GPHN: variants seen among roughly 807,000 people sequenced by gnomAD.
GPHN encodes the protein gephyrin.
GPHN carries 17 observed loss-of-function variants against 95.5 expected under a neutral mutation model. The ratio of observed to expected loss-of-function variants is 0.18; its 90% CI spans 0.12 to 0.27. The LOEUF is 0.27. Ranked by LOEUF, GPHN falls within the 10% of genes least tolerant of loss-of-function variation. The probability of loss-of-function intolerance (pLI) is 1.00; values close to 1 mark genes in which losing one functional copy is unlikely to be tolerated. For missense variants in GPHN, 660 were observed against 978.1 expected (o/e 0.67, Z 4.34); for synonymous variants, 320 against 322.5 (o/e 0.99, Z 0.08).
At chr14:66,736,622 C>A (rs1335997588) in intron 2 of GPHN, among the ~76,000 whole-genome samples, 2 of 151,748 alleles carry the variant, frequency 1.3e-5, no homozygotes, top group Non-Finnish European at 2.9e-5. Context: ...CTGATGATAA[C>A]CTGAACTCCT....
chr14:66,674,363 G>T (rs1595497506), intron 1 of GPHN, among the ~76,000 whole-genome samples: 1 of 152,050 alleles, frequency 6.6e-6, no homozygotes, highest in East Asian at 1.9e-4. Context: ...CTCCCAAAGT[G>T]CTGGGTTACA....
intron 1 of GPHN, among the ~76,000 whole-genome samples, chr14:66,616,488 A>G (rs183351371): frequency 6.6e-6 from 1 of 151,396 alleles, no homozygotes; most frequent in Non-Finnish European, 1.5e-5. Flanking sequence ...GGCCACTGCA[A>G]TTTGCTGGGG....
chr14:67,350,426 T>C, the GPHN span, among the ~76,000 whole-genome samples: 1 of 152,238 alleles, frequency 6.6e-6, no homozygotes, highest in Non-Finnish European at 1.5e-5. Flanking sequence ...CCTGCAACTA[T>C]GTAAGAATTA....
At chr14:67,509,287 C>T in the GPHN span, among the ~76,000 whole-genome samples, 2 of 151,734 alleles carry the variant, frequency 1.3e-5, no homozygotes, top group East Asian at 3.9e-4. Flanking sequence ...CTTCTGTCTC[C>T]TTTTAACTAG....
intron 4 of GPHN, among the ~76,000 whole-genome samples, chr14:66,875,814 A>C (rs1275992175): frequency 6.6e-6 from 1 of 152,130 alleles, no homozygotes; most frequent in Non-Finnish European, 1.5e-5. Context: ...GGAGACTTTA[A>C]CACCCCACTG....
intron 1 of GPHN, among the ~76,000 whole-genome samples, chr14:66,615,282 G>A (rs1316390518): frequency 3.3e-5 from 5 of 152,122 alleles, no homozygotes; most frequent in African/African-American, 1.2e-4. Context: ...TTGAGAAATG[G>A]CCATACTGCC....
chr14:67,167,504 C>G (rs568344883), intron 20 of GPHN, among the ~76,000 whole-genome samples: 6 of 152,256 alleles, frequency 3.9e-5, no homozygotes, highest in African/African-American at 1.4e-4. Context: ...CTATTAGTAT[C>G]ACTTGTCACT....
chr14:66,593,457 A>G (rs1276536703), intron 1 of GPHN, among the ~76,000 whole-genome samples: 2 of 152,130 alleles, frequency 1.3e-5, no homozygotes, highest in Non-Finnish European at 2.9e-5. Context: ...ATCAGGCAAG[A>G]GAGCATGTAA....
At chr14:67,468,911 A>T in the GPHN span, among the ~76,000 whole-genome samples, 7 of 147,744 alleles carry the variant, frequency 4.7e-5, no homozygotes, top group South Asian at 4.3e-4. Flanking sequence ...AATAATAATA[A>T]TTTTTTTTAA....
At chr14:66,644,989 A>G (rs1664984734) in intron 1 of GPHN, among the ~76,000 whole-genome samples, 1 of 152,108 alleles carries the variant, frequency 6.6e-6, no homozygotes, top group East Asian at 1.9e-4. Flanking sequence ...AAGTCTGTTT[A>G]TGTTTATCCT....
At chr14:67,511,008 C>G in the GPHN span, among the ~76,000 whole-genome samples, 2 of 152,174 alleles carry the variant, frequency 1.3e-5, no homozygotes, top group Non-Finnish European at 2.9e-5. Flanking sequence ...CTTTGTGGCC[C>G]TTCAATCTCC....
At chr14:67,115,322 A>C (rs1236919815) in intron 16 of GPHN, among the ~76,000 whole-genome samples, 1 of 152,302 alleles carries the variant, frequency 6.6e-6, no homozygotes, top group Non-Finnish European at 1.5e-5. Context: ...AATAGCAAAA[A>C]AAAAATTACC....
the GPHN span, among the ~76,000 whole-genome samples, chr14:67,202,156 A>T: frequency 1.2e-4 from 19 of 152,312 alleles, no homozygotes; most frequent in East Asian, 3.7e-3. Flanking sequence ...AAATTAAATT[A>T]TAGGCCAGGC....
At chr14:67,348,625 G>A in the GPHN span, among the ~76,000 whole-genome samples, 1,055 of 152,136 alleles carry the variant, frequency 6.9e-3, 9 homozygotes, top group Non-Finnish European at 0.01. Context: ...GGGTTCAAGC[G>A]ATTCTCCTGC....
chr14:66,594,905 C>G lies in GPHN; in HGVS notation c.65-86202C>G, dbSNP rs1206421116. On this transcript the variant is annotated intron_variant, in intron 1 of 22. Transcript: ENST00000478722. Reference sequence around the variant, plus strand: ...TGGAAAAGGAGAAAGTATGTGAGACCATATGTCTGATAAGGAATTAATATC... The same window carrying G: ...TGGAAAAGGAGAAAGTATGTGAGACGATATGTCTGATAAGGAATTAATATC... Among the ~76,000 whole-genome samples the G allele has an allele frequency of 2.0e-5, 3 of 152,034 alleles. No individual in the cohort carries two copies. The East Asian group carries it at 5.8e-4, about 29-fold the overall frequency.
chr14:66,930,899 AGT>A (rs2066755469), intron 8 of GPHN, among the ~76,000 whole-genome samples: 1 of 152,150 alleles, frequency 6.6e-6, no homozygotes, highest in Non-Finnish European at 1.5e-5. Context: ...CACACTTAAC[AGT>A]GTATAATATT....
intron 11 of GPHN, among the ~76,000 whole-genome samples, chr14:67,072,966 A>G (rs1380559090): frequency 2.0e-5 from 3 of 152,100 alleles, no homozygotes; most frequent in Admixed American, 2.0e-4. Context: ...CATAGTTGGC[A>G]TATTGGTATG....
the GPHN span, among the ~76,000 whole-genome samples, chr14:67,659,495 A>G: frequency 6.6e-6 from 1 of 152,096 alleles, no homozygotes; most frequent in Non-Finnish European, 1.5e-5. Flanking sequence ...ATAAGACTGT[A>G]TTATATTAAG....
the GPHN span, chr14:67,613,073 A>G: frequency 6.6e-6 from 1 of 152,220 alleles, no homozygotes; most frequent in East Asian, 1.9e-4. Flanking sequence ...TATTTGGGCC[A>G]AGCTTGAGGA....
Sources: allele counts gnomAD v4.1 joint callset (sites outside exome capture counted in the v4.1 genomes callset), GRCh38; gene constraint gnomAD v4.1.1; transcripts MANE v1.5; gene names NCBI Gene and HGNC (gene_info 2026-07-23, HGNC 2026-07-21).